The following RNF212 variants were observed in gnomAD, a reference collection of about 807,000 sequenced individuals.
The protein encoded by RNF212 is ring finger protein 212, also known as probable E3 SUMO-protein ligase RNF212.
Under a neutral mutation model 34.7 loss-of-function variants are expected in RNF212, and 33 were observed. That is an observed-to-expected ratio of 0.95 (90% confidence interval 0.72 to 1.27). The LOEUF (loss-of-function observed/expected upper bound fraction) is 1.27. RNF212 is among the 50% of genes most tolerant of loss of function. The pLI, the probability that RNF212 is intolerant of heterozygous loss-of-function variation, is 0.00. For synonymous variants in RNF212, 140 were observed against 136.1 expected (o/e 1.03, Z -0.20); for missense variants, 377 against 362.2 (o/e 1.04, Z -0.33).
chr4:1,072,964 C>T lies in RNF212; in HGVS notation c.804G>A (p.Gln268=). 1 of 1,614,158 alleles carries T rather than the reference C, an allele frequency of 6.2e-7. No individual in the cohort carries two copies. Among genetic ancestry groups the T allele is most frequent in the Non-Finnish European group, 8.5e-7 (1 of 1,180,014 alleles). Residue 268 remains glutamine, a synonymous_variant, in exon 10 of 10, where the codon CAG becomes CAA. Transcript: ENST00000433731. The part of the protein sequence containing the change: ...EVQRAVLFPF[Q]QAEGTLDTFR... ...ACGTGTCCAGGGTGCCCTCAGCCTGCTGGAACGGAAACAAGACGGCCCTTT... is the reference window on the plus strand; with the variant it reads ...ACGTGTCCAGGGTGCCCTCAGCCTGTTGGAACGGAAACAAGACGGCCCTTT...
chr4:1,056,824 G>T (rs1323553738), intron 4 of RNF212: 3 of 986,990 alleles, frequency 3.0e-6, no homozygotes, highest in Non-Finnish European at 3.6e-6. Flanking sequence ...TCCTGAGGCT[G>T]GCTGAGCACT....
chr4:1,087,504 G>T (rs985162342), intron 4 of RNF212, among the ~76,000 whole-genome samples: 14 of 134,566 alleles, frequency 1.0e-4, no homozygotes, highest in Non-Finnish European at 1.4e-4. Flanking sequence ...AACCAAGGTT[G>T]GGGGGTGACA....
At chr4:1,066,615 A>C (rs1718116146), downstream of RNF212, among the ~76,000 whole-genome samples, 1 of 152,208 alleles carries the variant, frequency 6.6e-6, no homozygotes, top group South Asian at 2.1e-4. Context: ...ACAAGTGTGC[A>C]CCACTGCGCC....
intron 8 of RNF212, among the ~76,000 whole-genome samples, chr4:1,078,310 G>A (rs1220005105): frequency 6.6e-6 from 1 of 152,172 alleles, no homozygotes; most frequent in Non-Finnish European, 1.5e-5. Context: ...CTCAAGTCCT[G>A]ATCCCTCCTA....
intron 5 of RNF212, among the ~76,000 whole-genome samples, chr4:1,082,263 T>G (rs1220583177): frequency 6.6e-6 from 1 of 152,234 alleles, no homozygotes; most frequent in African/African-American, 2.4e-5. Flanking sequence ...CGATGGCCAG[T>G]AGCAGAGACC....
At position 1,071,616 on chromosome 4, in the gene RNF212, C is replaced by T. The variant is rs1355842221; in HGVS notation, c.*1258G>A. 2 of 152,138 alleles carry T rather than the reference C, an allele frequency of 1.3e-5. No homozygotes were observed. Among genetic ancestry groups the T allele is most frequent in the Non-Finnish European group, 2.9e-5 (2 of 68,026 alleles). The allele number at this position is 152,138 out of a possible 1,614,324, so 9.4% of individuals were successfully genotyped here. ...AAAACAATCCAATTAAAAAATGGGC[C>T]AAATACCTTAACAGACACTTCAGCA... is the stretch of plus-strand genomic sequence containing the variant. On this transcript the variant is annotated 3_prime_UTR_variant, in exon 10 of 10. Transcript: ENST00000433731.
In RNF212 at chr4:1,072,975, A is replaced by G; in HGVS notation, c.793T>C (p.Phe265Leu). The G allele has an allele frequency of 6.2e-7, 1 of 1,614,216 alleles. No homozygotes were observed. Among genetic ancestry groups the G allele is most frequent in the Non-Finnish European group, 8.5e-7 (1 of 1,180,048 alleles). Residue 265 changes from phenylalanine (F) to leucine (L), a missense_variant, in exon 10 of 10, where the codon TTT becomes CTT. Phe to Leu is a conservative substitution (Grantham distance 22). Coordinates refer to ENST00000433731, the MANE Select transcript of RNF212 (RefSeq NM_001131034.4). ...GTGCCCTCAGCCTGCTGGAACGGAA[A>G]CAAGACGGCCCTTTGTACCTCAGCA... ...IYAEVQRAVL[F>L]PFQQAEGTLD...
chr4:1,064,030 A>C (rs553167061), intron 3 of RNF212, among the ~76,000 whole-genome samples: 3 of 152,176 alleles, frequency 2.0e-5, no homozygotes, highest in Non-Finnish European at 4.4e-5. Context: ...TGGAAAAAAA[A>C]AATGAAGAGA....
At chr4:1,093,889 G>A in intron 3 of RNF212, 1 of 1,536,228 alleles carries the variant, frequency 6.5e-7, no homozygotes, top group Non-Finnish European at 8.7e-7. Flanking sequence ...GTGTTGTGCT[G>A]ACCCAGTGTT....
intron 2 of RNF212, among the ~76,000 whole-genome samples, chr4:1,102,808 C>A (rs553181067): frequency 6.6e-6 from 1 of 151,808 alleles, no homozygotes; most frequent in South Asian, 2.1e-4. Flanking sequence ...GCCAAGACTG[C>A]GCCACTGCAC....
intron 3 of RNF212, among the ~76,000 whole-genome samples, chr4:1,064,598 AGAGT>A (rs1717967186): frequency 2.6e-5 from 4 of 152,168 alleles, no homozygotes; most frequent in Non-Finnish European, 4.4e-5. Flanking sequence ...GTGTGTGTGC[AGAGT>A]TAGTAAGCAA....
chr4:1,066,308 T>C (rs947344364), intron 3 of RNF212, among the ~76,000 whole-genome samples: 1 of 152,152 alleles, frequency 6.6e-6, no homozygotes, highest in Non-Finnish European at 1.5e-5. Context: ...GTACTTTGCC[T>C]ATTCAAGTCA....
In RNF212 at chr4:1,078,399, C is replaced by T. The variant is rs367774235; in HGVS notation, c.510+1244G>A. ...GTTTCCGAGCTGCCTGGTGTGTGGC[C>T]GATGTGGTACATCTGGCGCTGAGTT... is the stretch of plus-strand genomic sequence containing the variant. On this transcript the variant is annotated intron_variant, in intron 8 of 9. Coordinates refer to ENST00000433731, the MANE Select transcript of RNF212 (RefSeq NM_001131034.4). Among the ~76,000 whole-genome samples, 14 of 152,208 alleles carry T rather than the reference C, an allele frequency of 9.2e-5. No individual in the cohort carries two copies. The East Asian group carries it at 1.2e-3, about 13-fold the overall frequency.
intron 3 of RNF212, among the ~76,000 whole-genome samples, chr4:1,060,013 G>A (rs929188280): frequency 6.7e-6 from 1 of 148,678 alleles, no homozygotes; most frequent in African/African-American, 2.5e-5. Context: ...AGAATCACTT[G>A]AACCTGGGAG....
intron 4 of RNF212, among the ~76,000 whole-genome samples, chr4:1,086,204 C>T (rs145908659): frequency 5.3e-4 from 80 of 152,288 alleles, no homozygotes; most frequent in African/African-American, 8.7e-4. Context: ...CCACACAAGC[C>T]GGCAGGATGC....
At chr4:1,074,447 C>T (rs556547213) in intron 8 of RNF212, among the ~76,000 whole-genome samples, 78 of 152,290 alleles carry the variant, frequency 5.1e-4, no homozygotes, top group African/African-American at 1.6e-3. Context: ...CTTCTGCCCC[C>T]GGCACAGCCA....
At chr4:1,108,774 C>T (rs1202276962) in intron 1 of RNF212, among the ~76,000 whole-genome samples, 4 of 152,298 alleles carry the variant, frequency 2.6e-5, no homozygotes, top group African/African-American at 9.6e-5. Flanking sequence ...TCACAGCTCA[C>T]TGCAGCCTTG....
At chr4:1,103,148 C>T (rs1331151449) in intron 2 of RNF212, among the ~76,000 whole-genome samples, 1 of 152,034 alleles carries the variant, frequency 6.6e-6, no homozygotes, top group South Asian at 2.1e-4. Flanking sequence ...AAAATTCCAA[C>T]GAAATGCACT....
chr4:1,107,798 G>A (rs901923256), intron 2 of RNF212, among the ~76,000 whole-genome samples: 3 of 152,176 alleles, frequency 2.0e-5, no homozygotes, highest in African/African-American at 7.2e-5. Flanking sequence ...CGAATGTTGT[G>A]TAACTTTGTA....
Sources: gnomAD v4.1 joint callset for allele counts (sites outside exome capture counted in the v4.1 genomes callset) on GRCh38, gnomAD v4.1.1 for gene constraint, MANE v1.5 for transcripts, NCBI Gene and HGNC (gene_info 2026-07-23, HGNC 2026-07-21) for gene names.